PDE1B: variants seen among roughly 807,000 people sequenced by gnomAD.
PDE1B encodes dual specificity calcium/calmodulin-dependent 3',5'-cyclic nucleotide phosphodiesterase 1B.
A neutral mutation model predicts 66.7 loss-of-function variants in PDE1B; 13 were observed. That is an observed-to-expected ratio of 0.19 (90% CI 0.13 to 0.31). PDE1B has a LOEUF of 0.31. Among genes scored for constraint, PDE1B ranks in the 10% least tolerant of loss-of-function variants. The probability of loss-of-function intolerance (pLI) is 1.00; values close to 1 mark genes in which losing one functional copy is unlikely to be tolerated. For synonymous variants in PDE1B, 230 were observed against 253.9 expected (o/e 0.91, Z 0.90); for missense variants, 485 against 682.3 (o/e 0.71, Z 3.22).
chr12:54,565,415 G>T (rs1170147253), intron 2 of PDE1B, among the ~76,000 whole-genome samples: 2 of 152,194 alleles, frequency 1.3e-5, no homozygotes, highest in Non-Finnish European at 2.9e-5. Context: ...TCTGGGCGGG[G>T]TACTCTGGGA....
Position 54,576,823 on chromosome 12 carries a change from G to A in PDE1B, c.1507+122G>A, listed in dbSNP as rs928529199. On this transcript the variant is annotated intron_variant, in intron 14 of 15. Coordinates refer to ENST00000243052, the MANE Select transcript of PDE1B (RefSeq NM_000924.4). ...TGCCGGACTCCTTGATTTGGGAGTG[G>A]AGCTGATCAGACCAGTTAGATCACA... The A allele has an allele frequency of 9.9e-6, 10 of 1,008,406 alleles. No individual in the cohort carries two copies. The African/African-American group carries it at 1.4e-4, about 14-fold the overall frequency. The allele number at this position is 1,008,406 out of a possible 1,614,324, so 62.5% of individuals were successfully genotyped here.
chr12:54,554,911 G>A (rs1446342909), intron 2 of PDE1B, among the ~76,000 whole-genome samples: 2 of 152,210 alleles, frequency 1.3e-5, no homozygotes, highest in African/African-American at 4.8e-5. Flanking sequence ...AGGGGAATGG[G>A]AATGGATGGG....
At chr12:54,563,924 A>T (rs1429456973) in intron 2 of PDE1B, among the ~76,000 whole-genome samples, 1 of 152,096 alleles carries the variant, frequency 6.6e-6, no homozygotes, top group Non-Finnish European at 1.5e-5. Flanking sequence ...CAAGCTGAGG[A>T]TTGCTTAAGC....
intron 13 of PDE1B, 157 bp from the exon 14 acceptor site, chr12:54,576,414 G>C (rs768687037): frequency 9.0e-6 from 7 of 775,252 alleles, no homozygotes; most frequent in Non-Finnish European, 1.0e-5. Context: ...GAGGGGGAGA[G>C]GGACAGGGAC....
chr12:54,575,238 TTCCCTGTGCCTATGGGGGCCTTCTC>T lies in PDE1B; in HGVS notation c.1185+25_1185+49del. 1 of 1,610,112 alleles carries T rather than the reference TTCCCTGTGCCTATGGGGGCCTTCTC, an allele frequency of 6.2e-7. No homozygotes were observed. The highest frequency in any genetic ancestry group is 1.7e-5 in the Admixed American group (1 of 59,966). On this transcript the variant is annotated intron_variant, in intron 11 of 15. Coordinates refer to ENST00000243052, the MANE Select transcript of PDE1B (RefSeq NM_000924.4). This position sits in a 1 kb window ranked among gnomAD's most constrained non-coding sequence, Gnocchi z 4.0. ...CGTCAGGTAGCGTGGCATCTTTGCC[TTCCCTGTGCCTATGGGGGCCTTCTC>T]TCCCCTTTTGCCCTCCAAGTTCCCC...
At position 54,573,879 on chromosome 12, in the gene PDE1B, G is replaced by T; in HGVS notation, c.1064+170G>T. ...TGTGAGAGAGAGAGAGAGTGTGTGT[G>T]TGTGTGTGTGTGTGTGTGTGTGTGT... is the stretch of plus-strand genomic sequence containing the variant. On this transcript the variant is annotated intron_variant, in intron 10 of 15. Coordinates refer to ENST00000243052, the MANE Select transcript of PDE1B (RefSeq NM_000924.4). The surrounding 1 kb of genome is among the most constrained non-coding windows in gnomAD (Gnocchi z 5.2). The T allele has an allele frequency of 1.9e-6, 1 of 520,722 alleles. No homozygotes were observed. The highest frequency in any genetic ancestry group is 3.6e-6 in the Non-Finnish European group (1 of 281,520). The allele number at this position is 520,722 out of a possible 1,614,324, so 32.3% of individuals were successfully genotyped here.
intron 2 of PDE1B, among the ~76,000 whole-genome samples, chr12:54,557,002 A>C (rs1957350228): frequency 6.6e-6 from 1 of 150,986 alleles, no homozygotes; most frequent in Admixed American, 6.6e-5. Flanking sequence ...CTGTTTATCA[A>C]CTCCTGCATA....
chr12:54,573,285 A>G lies in PDE1B; in HGVS notation c.836+37A>G. 1.9e-6 allele frequency: 3 copies of G among 1,613,004 alleles called. No homozygotes were observed. The South Asian group carries it at 3.3e-5, about 18-fold the overall frequency. On this transcript the variant is annotated intron_variant, in intron 8 of 15. Transcript: ENST00000243052. The surrounding 1 kb of genome is among the most constrained non-coding windows in gnomAD (Gnocchi z 5.2). ...GGATGTGGCAGGGGCAGGAGGGGCCAAGAGGAGGTGGGGAGGTTGCCGGAG... is the reference window on the plus strand; with the variant it reads ...GGATGTGGCAGGGGCAGGAGGGGCCGAGAGGAGGTGGGGAGGTTGCCGGAG...
intron 2 of PDE1B, among the ~76,000 whole-genome samples, chr12:54,564,945 A>T (rs1203660010): frequency 2.0e-5 from 3 of 152,196 alleles, no homozygotes; most frequent in Non-Finnish European, 4.4e-5. Context: ...TTGTAAATGG[A>T]AATGGCAATT....
chr12:54,568,454 C>T (rs1164994857), intron 3 of PDE1B, among the ~76,000 whole-genome samples: 1 of 143,384 alleles, frequency 7.0e-6, no homozygotes, highest in African/African-American at 2.8e-5. Flanking sequence ...TAAAGTGAGA[C>T]CCTGTCTAAA....
chr12:54,567,147 G>T, intron 3 of PDE1B, 60 bp downstream of exon 3: 1 of 876,976 alleles, frequency 1.1e-6, no homozygotes, highest in South Asian at 1.5e-5. Context: ...TCCAGAGAGA[G>T]GGGTTAAGAC....
At chr12:54,550,110 C>G in intron 2 of PDE1B, 125 bp downstream of exon 2, 1 of 1,456,384 alleles carries the variant, frequency 6.9e-7, no homozygotes, top group Non-Finnish European at 9.1e-7. Flanking sequence ...TTGGCAGGTG[C>G]GAGGAAGCAC....
At chr12:54,566,183 T>G (rs577796741) in intron 2 of PDE1B, among the ~76,000 whole-genome samples, 1 of 152,280 alleles carries the variant, frequency 6.6e-6, no homozygotes, top group East Asian at 1.9e-4. Context: ...GATTGTTCCT[T>G]CAGGCAAAAC....
intron 6 of PDE1B, chr12:54,570,756 C>T (rs1043731980): frequency 1.5e-5 from 3 of 201,784 alleles, no homozygotes; most frequent in Non-Finnish European, 3.1e-5. Flanking sequence ...TCCCCCGTCC[C>T]CCAGTTCTGG....
Position 54,578,994 on chromosome 12 carries a change from CACCTTGCCCCA to C in PDE1B, c.*1153_*1163del. On this transcript the variant is annotated 3_prime_UTR_variant, in exon 16 of 16. Transcript: ENST00000243052. ...CTCTCCTCAGGCTCCTCCTTGCCCC[CACCTTGCCCCA>C]GGAAAGGCCAAAGTCCAGGTGACTG... 6.5e-6 allele frequency: 1 copy of C among 153,080 alleles called. No homozygotes were observed. Among genetic ancestry groups the C allele is most frequent in the East Asian group, 1.9e-4 (1 of 5,190 alleles). The allele number at this position is 153,080 out of a possible 1,614,324, so 9.5% of individuals were successfully genotyped here.
chr12:54,553,648 T>C (rs1957307002), intron 2 of PDE1B, among the ~76,000 whole-genome samples: 1 of 152,192 alleles, frequency 6.6e-6, no homozygotes. Context: ...TGTCTCTGGT[T>C]CTGTGGTGCG....
intron 2 of PDE1B, among the ~76,000 whole-genome samples, chr12:54,565,470 C>A (rs926152372): frequency 6.6e-6 from 1 of 152,208 alleles, no homozygotes; most frequent in Non-Finnish European, 1.5e-5. Flanking sequence ...GCTGGGAAAG[C>A]CTTTTATGAT....
Position 54,569,334 on chromosome 12 carries a change from G to A in PDE1B, c.378G>A (p.Val126=), listed in dbSNP as rs1957575631. 1 of 1,612,538 alleles carries A rather than the reference G, an allele frequency of 6.2e-7. No individual in the cohort carries two copies. Among genetic ancestry groups the A allele is most frequent in the African/African-American group, 1.3e-5 (1 of 74,914 alleles). ...AGAAGCCCAAGTTCCGAAGCATTGT[G>A]CACGCTGTGCAGGCTGGGATCTTCG... The part of the protein sequence containing the change: ...AEEKPKFRSI[V]HAVQAGIFVE... The change falls in exon 4 of 16, where the codon GTG becomes GTA. Residue 126 remains valine (V), a synonymous_variant. Coordinates refer to ENST00000243052, the MANE Select transcript of PDE1B (RefSeq NM_000924.4). The surrounding 1 kb of genome is among the most constrained non-coding windows in gnomAD (Gnocchi z 4.4).
chr12:54,567,246 T>C (rs1247412613), intron 3 of PDE1B, among the ~76,000 whole-genome samples, 159 bp downstream of exon 3: 1 of 152,018 alleles, frequency 6.6e-6, no homozygotes, highest in Admixed American at 6.6e-5. Context: ...GGCTCACACC[T>C]GTAATCCTAG....
Sources: allele counts gnomAD v4.1 joint callset (sites outside exome capture counted in the v4.1 genomes callset), GRCh38; gene constraint gnomAD v4.1.1; non-coding constraint Gnocchi (gnomAD v3.1); transcripts MANE v1.5; gene names NCBI Gene and HGNC (gene_info 2026-07-23, HGNC 2026-07-21).